The following STYXL2 variants were observed in gnomAD, a reference collection of about 807,000 sequenced individuals.
STYXL2 encodes serine/threonine/tyrosine-interacting-like protein 2.
A neutral mutation model predicts 52.4 loss-of-function variants in STYXL2; 44 were observed. The ratio of observed to expected loss-of-function variants is 0.84; its 90% CI spans 0.66 to 1.08. STYXL2 has a LOEUF of 1.08. Ranked by LOEUF, STYXL2 falls within the 50% of genes least tolerant of loss-of-function variation. The probability of loss-of-function intolerance (pLI) is 0.00; values close to 1 mark genes in which losing one functional copy is unlikely to be tolerated. For missense variants in STYXL2, 1,604 were observed against 1,471.7 expected (o/e 1.09, Z -1.47); for synonymous variants, 604 against 586.9 (o/e 1.03, Z -0.42).
At chr1:167,120,481 G>C (rs1361514878) in intron 5 of STYXL2, among the ~76,000 whole-genome samples, 2 of 152,034 alleles carry the variant, frequency 1.3e-5, no homozygotes, top group Non-Finnish European at 2.9e-5. Flanking sequence ...ACAACACCTG[G>C]CACAATAAAT....
In STYXL2 at chr1:167,127,705, G is replaced by C; in HGVS notation, c.2574G>C (p.Lys858Asn). The C allele has an allele frequency of 1.2e-6, 2 of 1,614,076 alleles. No homozygotes were observed. The highest frequency in any genetic ancestry group is 4.5e-5 in the East Asian group (2 of 44,874). ...AGATGTCTGAGTACAAAATGGAAAAGCTGGCCTCAGACAACAAACGCAGCT... is the reference window on the plus strand; with the variant it reads ...AGATGTCTGAGTACAAAATGGAAAACCTGGCCTCAGACAACAAACGCAGCT... ...REKMSEYKME[K>N]LASDNKRSSL... The change falls in exon 6 of 6, where the codon AAG (lysine) becomes AAC (asparagine). Residue 858 changes from lysine (K) to asparagine (N), a missense_variant. Lys to Asn is a moderately conservative substitution (Grantham distance 94). Transcript: ENST00000361200.
At chr1:167,113,484 C>T (rs1667658211) in intron 2 of STYXL2, among the ~76,000 whole-genome samples, 1 of 152,230 alleles carries the variant, frequency 6.6e-6, no homozygotes, top group African/African-American at 2.4e-5. Flanking sequence ...TGTCATTAAA[C>T]ATCACACACC....
chr1:167,105,755 C>A (rs1166272711), intron 2 of STYXL2, among the ~76,000 whole-genome samples: 1 of 152,226 alleles, frequency 6.6e-6, no homozygotes, highest in South Asian at 2.1e-4. Flanking sequence ...ACATCTCCCC[C>A]TCATGGCGGC....
At chr1:167,115,789 G>A (rs905696939) in intron 3 of STYXL2, among the ~76,000 whole-genome samples, 4 of 152,100 alleles carry the variant, frequency 2.6e-5, no homozygotes, top group Admixed American at 2.0e-4. Flanking sequence ...TTCTTTCTGC[G>A]TTTGAAACGG....
intron 2 of STYXL2, among the ~76,000 whole-genome samples, chr1:167,107,488 A>G (rs992353568): frequency 6.6e-6 from 1 of 152,188 alleles, no homozygotes; most frequent in Non-Finnish European, 1.5e-5. Context: ...GAGAGTAGGC[A>G]TGGAGAGGAC....
At chr1:167,094,796 C>A (rs1331797797) in intron 1 of STYXL2, 38 bp from the exon 2 acceptor site, 1 of 1,443,468 alleles carries the variant, frequency 6.9e-7, no homozygotes, top group Non-Finnish European at 9.6e-7. Flanking sequence ...CCTCAGGAAC[C>A]TAATTCCCTA....
intron 2 of STYXL2, among the ~76,000 whole-genome samples, chr1:167,108,229 G>C (rs1005750664): frequency 6.6e-6 from 1 of 152,138 alleles, no homozygotes. Flanking sequence ...CACTCACTCA[G>C]TCATCAAACC....
At position 167,126,511 on chromosome 1, in the gene STYXL2, G is replaced by A. The variant is rs562826508; in HGVS notation, c.1380G>A (p.Pro460=). The A allele has an allele frequency of 8.1e-6, 13 of 1,612,274 alleles. No individual in the cohort carries two copies. Among genetic ancestry groups the A allele is most frequent in the African/African-American group, 1.3e-5 (1 of 74,998 alleles). The stretch of plus-strand genomic sequence containing the variant: ...AGCAGCAGCTGGAGCTGAACCGCCC[G>A]GACCACGGCAGGAGGCGCCGCGCAG... ...VLKQQLELNR[P]DHGRRRRADS... The change falls in exon 6 of 6, where the codon CCG becomes CCA. Residue 460 remains proline (P), a synonymous_variant. Transcript: ENST00000361200.
At chr1:167,113,038 G>A (rs1243716966) in intron 2 of STYXL2, among the ~76,000 whole-genome samples, 1 of 152,076 alleles carries the variant, frequency 6.6e-6, no homozygotes, top group African/African-American at 2.4e-5. Flanking sequence ...GTTCCTAAAG[G>A]TCTTTTTTGA....
Position 167,119,311 on chromosome 1 carries a change from C to T in STYXL2, c.500C>T (p.Ala167Val), listed in dbSNP as rs759090442. 11 of 1,614,088 alleles carry T rather than the reference C, an allele frequency of 6.8e-6. No homozygotes were observed. Among genetic ancestry groups the T allele is most frequent in the Middle Eastern group, 1.6e-4 (1 of 6,084 alleles). ...RLGITHILNA[A>V]HGTGVYTGPE... is the part of the protein sequence containing the mutation. ...GGAATCACCCACATTCTGAATGCTG[C>T]GCATGGCACCGGCGTTTACACTGGC... The change falls in exon 5 of 6, where the codon GCG (alanine) becomes GTG (valine). Residue 167 changes from alanine (A) to valine (V), a missense_variant. By Grantham distance (64) the Ala-to-Val change is moderately conservative (BLOSUM62 0). Coordinates refer to ENST00000361200, the MANE Select transcript of STYXL2 (RefSeq NM_001080426.3).
rs1285352932 is a variant in STYXL2 at position 167,128,508 on chromosome 1, G to A, written c.3377G>A (p.Arg1126Lys). 2 of 1,613,906 alleles carry A rather than the reference G, an allele frequency of 1.2e-6. No homozygotes were observed. The highest frequency in any genetic ancestry group is 1.7e-6 in the Non-Finnish European group (2 of 1,179,930). Residue 1126 changes from arginine (R) to lysine (K), a missense_variant, in exon 6 of 6, where the codon AGG (arginine) becomes AAG (lysine). Transcript: ENST00000361200. ...RRSQYRRSTDREEEEEMDDEA... is the reference protein window; with the variant it reads ...RRSQYRRSTDKEEEEEMDDEA... Reference sequence around the variant, plus strand: ...TCCCAGTATCGGAGAAGCACTGACAGGGAGGAAGAGGAAGAAATGGACGAT... The same window carrying A: ...TCCCAGTATCGGAGAAGCACTGACAAGGAGGAAGAGGAAGAAATGGACGAT...
intron 2 of STYXL2, among the ~76,000 whole-genome samples, chr1:167,111,729 C>T (rs767495072): frequency 2.0e-5 from 3 of 151,602 alleles, no homozygotes; most frequent in Non-Finnish European, 4.4e-5. Context: ...ATACAATGGA[C>T]TTTGGGGACT....
rs545061292 is a variant in STYXL2 at position 167,126,981 on chromosome 1, C to T, written c.1850C>T (p.Ser617Leu). The change falls in exon 6 of 6, where the codon TCG (serine) becomes TTG (leucine). Residue 617 changes from serine (S) to leucine (L), a missense_variant. By Grantham distance (145) the Ser-to-Leu change is moderately radical. Coordinates refer to ENST00000361200, the MANE Select transcript of STYXL2 (RefSeq NM_001080426.3). ...EVVELSKGED[S>L]ALAKKRQRRL... ...GTGGAGCTCAGCAAGGGGGAGGACTCGGCCTTGGCTAAGAAGAGACAACGG... is the reference window on the plus strand; with the variant it reads ...GTGGAGCTCAGCAAGGGGGAGGACTTGGCCTTGGCTAAGAAGAGACAACGG... 1.6e-5 allele frequency: 25 copies of T among 1,608,942 alleles called. No individual in the cohort carries two copies. Among genetic ancestry groups the T allele is most frequent in the Non-Finnish European group, 1.8e-5 (21 of 1,177,442 alleles).
intron 5 of STYXL2, among the ~76,000 whole-genome samples, chr1:167,123,075 A>G (rs1667891527): frequency 6.6e-6 from 1 of 152,242 alleles, no homozygotes; most frequent in South Asian, 2.1e-4. Context: ...AAACCATTTT[A>G]CTGTTGGAAA....
intron 2 of STYXL2, among the ~76,000 whole-genome samples, chr1:167,105,909 C>A (rs1667499052): frequency 6.6e-6 from 1 of 152,136 alleles, no homozygotes; most frequent in Non-Finnish European, 1.5e-5. Context: ...TCTTCATCCC[C>A]CCTCTTTTCT....
At chr1:167,096,374 T>C (rs533067964) in intron 2 of STYXL2, among the ~76,000 whole-genome samples, 1 of 152,308 alleles carries the variant, frequency 6.6e-6, no homozygotes, top group African/African-American at 2.4e-5. Flanking sequence ...AGAGGTCGCT[T>C]CGTGTGTGGT....
Position 167,127,070 on chromosome 1 carries a change from G to A in STYXL2, c.1939G>A (p.Glu647Lys). 1 of 1,612,920 alleles carries A rather than the reference G, an allele frequency of 6.2e-7. No individual in the cohort carries two copies. Among genetic ancestry groups the A allele is most frequent in the African/African-American group, 1.3e-5 (1 of 75,016 alleles). The change falls in exon 6 of 6, where the codon GAG becomes AAG. Residue 647 changes from glutamate (E) to lysine (K), a missense_variant. Transcript: ENST00000361200. ...GGAGAGCCAGTCTATGGCAAGCTGG[G>A]AGGCGGACAGCTCCACGGCCAGCGG... ...LEESQSMASW[E>K]ADSSTASGSI...
intron 2 of STYXL2, among the ~76,000 whole-genome samples, chr1:167,097,343 T>C (rs1027713609): frequency 6.6e-6 from 1 of 152,212 alleles, no homozygotes; most frequent in Admixed American, 6.5e-5. Context: ...AAAAACTCAA[T>C]AGGTTTATGA....
chr1:167,106,180 GGGAAAGTGGCA>G (rs764338571), intron 2 of STYXL2, among the ~76,000 whole-genome samples: 1 of 152,146 alleles, frequency 6.6e-6, no homozygotes, highest in Non-Finnish European at 1.5e-5. Flanking sequence ...ACGTTATTTA[GGGAAAGTGGCA>G]GGATGGAGTG....
Sources: allele counts gnomAD v4.1 joint callset (sites outside exome capture counted in the v4.1 genomes callset), GRCh38; gene constraint gnomAD v4.1.1; transcripts MANE v1.5; gene names NCBI Gene and HGNC (gene_info 2026-07-23, HGNC 2026-07-21).